The following SYCP3 variants were observed in gnomAD, a reference collection of about 807,000 sequenced individuals.
SYCP3 encodes the protein synaptonemal complex protein 3.
Under a neutral mutation model 38.5 loss-of-function variants are expected in SYCP3, and 29 were observed. That is an observed-to-expected ratio of 0.75 (90% CI 0.56 to 1.03). The LOEUF (loss-of-function observed/expected upper bound fraction) is 1.03. Ranked by LOEUF, SYCP3 falls within the 50% of genes least tolerant of loss-of-function variation. SYCP3 has a pLI of 0.00. For synonymous variants in SYCP3, 79 were observed against 80.3 expected (o/e 0.98, Z 0.08); for missense variants, 242 against 270.7 (o/e 0.89, Z 0.74).
chr12:101,730,491 ATTTTTTTTTTT>A (rs201662453), intron 7 of SYCP3: 1 of 285,470 alleles, frequency 3.5e-6, no homozygotes, highest in African/African-American at 2.9e-5. Flanking sequence ...TGTGTGTATA[ATTTTTTTTTTT>A]TTTTTTTTTT....
In SYCP3 at chr12:101,737,959, AAAACAAATTTCTTTAACC is replaced by A. The variant is rs748358956; in HGVS notation, c.-17-25_-17-8del. 3.3e-4 allele frequency: 527 copies of A among 1,614,010 alleles called. No homozygotes were observed. The highest frequency in any genetic ancestry group is 4.3e-4 in the Non-Finnish European group (503 of 1,179,990). The stretch of plus-strand genomic sequence containing the variant: ...ATATTTAGATGCTTCCTGACTTTAA[AAAACAAATTTCTTTAACC>A]TTCTGAATGCAAAGACATCATTTTA... On this transcript the variant is annotated splice_polypyrimidine_tract_variant and splice_region_variant and intron_variant, in intron 1 of 8. Transcript: ENST00000392924.
intron 1 of SYCP3, among the ~76,000 whole-genome samples, chr12:101,738,795 TGGAGAGGTGGCCCCTGA>T (rs1288201234): frequency 6.6e-6 from 1 of 152,336 alleles, no homozygotes; most frequent in Non-Finnish European, 1.5e-5. Context: ...CGCGCAGTGC[TGGAGAGGTGGCCCCTGA>T]GGCCTGGGAG....
At chr12:101,737,545 T>C in intron 2 of SYCP3, 1 of 644,978 alleles carries the variant, frequency 1.6e-6, no homozygotes, top group Non-Finnish European at 2.7e-6. Flanking sequence ...ACATACTATA[T>C]ATCAGATATT....
chr12:101,736,938 T>TA, intron 4 of SYCP3, 99 bp downstream of exon 4: 1 of 1,134,140 alleles, frequency 8.8e-7, no homozygotes, highest in Non-Finnish European at 1.3e-6. Context: ...AACAAGGCAT[T>TA]AAATAACAGT....
In SYCP3 at chr12:101,739,426, G is replaced by C; in HGVS notation, c.-93C>G. On this transcript the variant is annotated 5_prime_UTR_variant, in exon 1 of 9. Coordinates refer to ENST00000392924, the MANE Select transcript of SYCP3 (RefSeq NM_001177949.2). ...TCCTCCACAACTCCTCCACAAGCGC[G>C]CTTCACCTGAGGTGGCCCCTTCTCC... The C allele has an allele frequency of 1.0e-6, 1 of 1,002,732 alleles. No homozygotes were observed. The highest frequency in any genetic ancestry group is 1.2e-6 in the Non-Finnish European group (1 of 830,352). The allele number at this position is 1,002,732 out of a possible 1,614,324, so 62.1% of individuals were successfully genotyped here. A position where few individuals can be genotyped will look rare whatever the true frequency, so the allele number is the denominator to read the frequency against.
chr12:101,731,790 CA>C, intron 6 of SYCP3, 124 bp from the exon 7 acceptor site: 1 of 657,202 alleles, frequency 1.5e-6, no homozygotes, highest in South Asian at 2.2e-5. Context: ...AAAATTTTAA[CA>C]ACTATTATGA....
chr12:101,735,114 A>ACTTG, intron 4 of SYCP3, 70 bp from the exon 5 acceptor site: 3 of 990,130 alleles, frequency 3.0e-6, no homozygotes, highest in Non-Finnish European at 4.7e-6. Context: ...ATATTCAAGT[A>ACTTG]AATATGGGTA....
chr12:101,732,638 TA>T (rs1952233147), intron 6 of SYCP3: 1 of 152,204 alleles, frequency 6.6e-6, no homozygotes, highest in Non-Finnish European at 1.5e-5. Flanking sequence ...AACACTGGAT[TA>T]TTTTTCCAAT....
Position 101,728,955 on chromosome 12 carries a change from C to T in SYCP3, c.683G>A (p.Arg228Gln), listed in dbSNP as rs773376056. The T allele has an allele frequency of 3.7e-6, 6 of 1,613,328 alleles. No homozygotes were observed. The highest frequency in any genetic ancestry group is 1.3e-5 in the African/African-American group (1 of 74,886). ...ETQQQEIASV[R>Q]KSLQSMLF is the part of the protein sequence containing the mutation. ...GAATAACATGGATTGAAGAGACTTC[C>T]GAACACTTGCTATCTCTTGCTGCTG... is the stretch of plus-strand genomic sequence containing the variant. Residue 228 changes from arginine to glutamine, a missense_variant, in exon 9 of 9, where the codon CGG becomes CAG. Transcript: ENST00000392924.
At position 101,735,020 on chromosome 12, in the gene SYCP3, G is replaced by C. The variant is rs1040963267; in HGVS notation, c.260C>G (p.Ala87Gly). The C allele has an allele frequency of 6.2e-7, 1 of 1,610,964 alleles. No individual in the cohort carries two copies. ...VGVDINKALL[A>G]KRKRLEMYTK... Reference sequence around the variant, plus strand: ...ATACATTTCTAGTCTCTTTCTCTTGGCAAGAAGAGCCTTGTTAATGTCAAC... The same window carrying C: ...ATACATTTCTAGTCTCTTTCTCTTGCCAAGAAGAGCCTTGTTAATGTCAAC... The change falls in exon 5 of 9, where the codon GCC becomes GGC. Residue 87 changes from alanine to glycine, a missense_variant. By Grantham distance (60) the Ala-to-Gly change is moderately conservative. Transcript: ENST00000392924.
In SYCP3 at chr12:101,728,890, A is replaced by G; in HGVS notation, c.*37T>C. On this transcript the variant is annotated 3_prime_UTR_variant, in exon 9 of 9. Coordinates refer to ENST00000392924, the MANE Select transcript of SYCP3 (RefSeq NM_001177949.2). ...TCTTAGCTAACGTTATAATTGTATC[A>G]TATTACTTAGGTTCAAGTTCTTTCT... 1 of 1,613,142 alleles carries G rather than the reference A, an allele frequency of 6.2e-7. No individual in the cohort carries two copies. The highest frequency in any genetic ancestry group is 8.5e-7 in the Non-Finnish European group (1 of 1,179,468).
At chr12:101,730,568 A>G (rs975143627) in intron 7 of SYCP3, 6 of 365,368 alleles carry the variant, frequency 1.6e-5, no homozygotes, top group African/African-American at 2.4e-5. Context: ...ATTTCAGCTC[A>G]CTGCAACCTT....
chr12:101,735,086 A>G (rs1952352144), intron 4 of SYCP3, 42 bp from the exon 5 acceptor site: 1 of 1,393,042 alleles, frequency 7.2e-7, no homozygotes, highest in East Asian at 2.3e-5. Flanking sequence ...AATGTTGAAA[A>G]AAGTATTTTG....
rs1222105435 is a variant in SYCP3, at chr12:101,728,844, TC to T, written c.*82del. The T allele has an allele frequency of 3.1e-6, 5 of 1,590,384 alleles. No individual in the cohort carries two copies. The highest frequency in any genetic ancestry group is 1.3e-5 in the African/African-American group (1 of 74,408). On this transcript the variant is annotated 3_prime_UTR_variant, in exon 9 of 9. Transcript: ENST00000392924. ...ATTAAAGATGTTACAATTAAACTAT[TC>T]TAAAGACTTACAATATGCTTCTTAG...
intron 5 of SYCP3, 51 bp downstream of exon 5, chr12:101,734,876 T>C (rs1952342679): frequency 8.5e-7 from 1 of 1,177,372 alleles, no homozygotes; most frequent in Non-Finnish European, 1.3e-6. Flanking sequence ...AAGTAATTTA[T>C]ACCAGTAAAT....
rs200237355 is a variant in SYCP3, at chr12:101,733,660, T to C, written c.368A>G (p.Gln123Arg). The C allele has an allele frequency of 5.0e-6, 8 of 1,610,948 alleles. No homozygotes were observed. The East Asian group carries it at 1.8e-4, about 36-fold the overall frequency. ...AGTCAGAAACTGCTGAGAATATTCTTGGTTAAGCTTCTGCCTGTAAAACAT... is the reference window on the plus strand; with the variant it reads ...AGTCAGAAACTGCTGAGAATATTCTCGGTTAAGCTTCTGCCTGTAAAACAT... ...TQQDQRQKLNQEYSQQFLTLF... is the reference protein window; with the variant it reads ...TQQDQRQKLNREYSQQFLTLF... Residue 123 changes from glutamine to arginine, a missense_variant, in exon 6 of 9, where the codon CAA becomes CGA. Transcript: ENST00000392924.
chr12:101,733,723 AAG>A, intron 5 of SYCP3, 49 bp from the exon 6 acceptor site: 1 of 1,542,460 alleles, frequency 6.5e-7, no homozygotes, highest in Non-Finnish European at 8.9e-7. Context: ...CCAATATAAA[AAG>A]AATTTAAAAC....
At chr12:101,731,297 T>A (rs1005731169) in intron 7 of SYCP3, among the ~76,000 whole-genome samples, 6 of 152,162 alleles carry the variant, frequency 3.9e-5, no homozygotes, top group African/African-American at 1.4e-4. Flanking sequence ...ATGACTGAAG[T>A]GTTATTAAAG....
chr12:101,732,976 C>G (rs1952249998), intron 6 of SYCP3: 1 of 152,424 alleles, frequency 6.6e-6, no homozygotes, highest in Non-Finnish European at 1.5e-5. Context: ...CAGCCTTTTC[C>G]AAATATTTTT....
Sources: gnomAD v4.1 joint callset for allele counts (sites outside exome capture counted in the v4.1 genomes callset) on GRCh38, gnomAD v4.1.1 for gene constraint, MANE v1.5 for transcripts, NCBI Gene and HGNC (gene_info 2026-07-23, HGNC 2026-07-21) for gene names.